The following MMP16 variants were observed in gnomAD, a reference collection of about 807,000 sequenced individuals.
MMP16 encodes matrix metalloproteinase-16.
In MMP16, 12 loss-of-function variants were observed where a neutral mutation model predicts 67.8. The observed-to-expected ratio is 0.18, with a 90% CI of 0.11 to 0.29. The LOEUF (loss-of-function observed/expected upper bound fraction) is 0.29, where lower values mean the gene tolerates loss of function less well. Among genes scored for constraint, MMP16 ranks in the 10% least tolerant of loss-of-function variants. The pLI is 1.00. For synonymous variants in MMP16, 249 were observed against 255.9 expected (o/e 0.97, Z 0.26); for missense variants, 475 against 765.7 (o/e 0.62, Z 4.48).
At chr8:88,185,020 G>C (rs1418218879) in intron 3 of MMP16, among the ~76,000 whole-genome samples, 1 of 152,094 alleles carries the variant, frequency 6.6e-6, no homozygotes, top group Admixed American at 6.6e-5. Flanking sequence ...AAATGATGGT[G>C]AATACCAACT....
chr8:88,127,245 C>T (rs1807949989), intron 4 of MMP16, among the ~76,000 whole-genome samples: 2 of 151,904 alleles, frequency 1.3e-5, no homozygotes, highest in South Asian at 4.1e-4. Context: ...TAGGAGATAA[C>T]ACAGTACTAT....
chr8:88,194,674 A>G (rs1009785991), intron 2 of MMP16, among the ~76,000 whole-genome samples: 1 of 152,090 alleles, frequency 6.6e-6, no homozygotes, highest in East Asian at 2.0e-4. Flanking sequence ...CACAGGGAGC[A>G]GAGGAGGCAT....
At chr8:88,170,099 G>C (rs1808775934) in intron 3 of MMP16, among the ~76,000 whole-genome samples, 1 of 152,112 alleles carries the variant, frequency 6.6e-6, no homozygotes. Context: ...TATATTTTGA[G>C]AATATGTCTC....
chr8:88,197,678 A>G lies in MMP16; in HGVS notation c.133-372T>C, dbSNP rs148359885. On this transcript the variant is annotated intron_variant, in intron 1 of 9. Coordinates refer to ENST00000286614, the MANE Select transcript of MMP16 (RefSeq NM_005941.5). Reference sequence around the variant, plus strand: ...GATGCTTTTTCAACAGTATGACTCTATTGAGATGTTTATGTTGCAAAGGGC... The same window carrying G: ...GATGCTTTTTCAACAGTATGACTCTGTTGAGATGTTTATGTTGCAAAGGGC... 2.8e-3 allele frequency among the ~76,000 whole-genome samples: 428 copies of G among 152,278 alleles called. 3 individuals carry two copies. Among genetic ancestry groups the G allele is most frequent in the African/African-American group, 9.8e-3 (409 of 41,560 alleles).
chr8:88,100,790 T>C (rs570939973), intron 6 of MMP16, among the ~76,000 whole-genome samples: 1 of 152,028 alleles, frequency 6.6e-6, no homozygotes, highest in African/African-American at 2.4e-5. Flanking sequence ...TGGAATACTA[T>C]GCAGCCATAA....
At position 88,046,657 on chromosome 8, in the gene MMP16, C is replaced by A; in HGVS notation, c.1489+12G>T. On this transcript the variant is annotated intron_variant, in intron 9 of 9. Transcript: ENST00000286614. ...GCAAACTTATGAAATGTAGAAAGCA[C>A]ATGTTGCATACCATTTTCTTTGTGT... 1 of 1,508,498 alleles carries A rather than the reference C, an allele frequency of 6.6e-7. No homozygotes were observed. Among genetic ancestry groups the A allele is most frequent in the South Asian group, 1.2e-5 (1 of 83,242 alleles). The allele number at this position is 1,508,498 out of a possible 1,614,324, so 93.4% of individuals were successfully genotyped here. A position where few individuals can be genotyped will look rare whatever the true frequency, so the allele number is the denominator to read the frequency against.
chr8:88,276,239 T>C (rs2129983524), intron 1 of MMP16, among the ~76,000 whole-genome samples: 1 of 152,226 alleles, frequency 6.6e-6, no homozygotes, highest in Admixed American at 6.5e-5. Context: ...AAAGTATACC[T>C]TACATTGCAA....
rs146453169 is a variant in MMP16 at position 88,242,356 on chromosome 8, A to G, written c.133-45050T>C. On this transcript the variant is annotated intron_variant, in intron 1 of 9. Coordinates refer to ENST00000286614, the MANE Select transcript of MMP16 (RefSeq NM_005941.5). ...AGTAGAAATTCTAGGAAAAATTTCT[A>G]TATCAGTTGTCATAGACTTAGGGCT... 2.6e-3 allele frequency among the ~76,000 whole-genome samples: 402 copies of G among 152,348 alleles called. 2 individuals carry two copies. Among genetic ancestry groups the G allele is most frequent in the South Asian group, 4.8e-3 (23 of 4,832 alleles).
intron 1 of MMP16, among the ~76,000 whole-genome samples, chr8:88,203,761 C>CT (rs1809381203): frequency 7.9e-5 from 12 of 152,174 alleles, no homozygotes; most frequent in Admixed American, 5.2e-4. Flanking sequence ...CTGGTTGTTT[C>CT]ATAGCAAGGT....
At chr8:88,163,716 T>C (rs1248105835) in intron 4 of MMP16, among the ~76,000 whole-genome samples, 1 of 152,090 alleles carries the variant, frequency 6.6e-6, no homozygotes, top group Non-Finnish European at 1.5e-5. Context: ...GGAAATAATG[T>C]CCTATTGTTG....
intron 5 of MMP16, among the ~76,000 whole-genome samples, chr8:88,117,567 T>C (rs1809457161): frequency 6.6e-6 from 1 of 152,220 alleles, no homozygotes; most frequent in South Asian, 2.1e-4. Context: ...TTAAGAAGAA[T>C]TTCTGATGAC....
intron 1 of MMP16, among the ~76,000 whole-genome samples, chr8:88,285,495 A>C (rs991221465): frequency 5.3e-5 from 8 of 151,928 alleles, no homozygotes; most frequent in African/African-American, 1.9e-4. Context: ...AACAAAACTC[A>C]AAGAAGCTCC....
intron 4 of MMP16, among the ~76,000 whole-genome samples, chr8:88,151,807 G>A (rs1311533288): frequency 6.9e-6 from 1 of 144,502 alleles, no homozygotes; most frequent in Non-Finnish European, 1.5e-5. Flanking sequence ...AAAAGAACTA[G>A]AAAAGCAAGA....
intron 4 of MMP16, among the ~76,000 whole-genome samples, chr8:88,165,695 T>C (rs1051457121): frequency 6.6e-6 from 1 of 152,144 alleles, no homozygotes; most frequent in Non-Finnish European, 1.5e-5. Flanking sequence ...GTTCCAGATG[T>C]TTTATTATTA....
intron 1 of MMP16, among the ~76,000 whole-genome samples, chr8:88,289,161 G>A (rs945091040): frequency 6.6e-6 from 1 of 152,270 alleles, no homozygotes; most frequent in East Asian, 1.9e-4. Flanking sequence ...CAGAAGAAGA[G>A]AGAGAGAAAG....
At chr8:88,135,360 AG>A (rs1167777896) in intron 4 of MMP16, among the ~76,000 whole-genome samples, 2 of 151,966 alleles carry the variant, frequency 1.3e-5, no homozygotes, top group Non-Finnish European at 2.9e-5. Context: ...CAATAAAATA[AG>A]GTCCCAGTTT....
chr8:88,049,015 T>C (rs1043951187), intron 8 of MMP16, among the ~76,000 whole-genome samples: 1 of 152,018 alleles, frequency 6.6e-6, no homozygotes, highest in Non-Finnish European at 1.5e-5. Flanking sequence ...AACGTGCACA[T>C]AGAAATGGGA....
chr8:88,081,174 G>T (rs1052764268), intron 6 of MMP16, among the ~76,000 whole-genome samples: 2 of 152,016 alleles, frequency 1.3e-5, no homozygotes, highest in African/African-American at 4.8e-5. Context: ...GACGTCAAAA[G>T]GTTTACCAAT....
chr8:88,236,035 T>C (rs1473886682), intron 1 of MMP16, among the ~76,000 whole-genome samples: 2 of 152,238 alleles, frequency 1.3e-5, no homozygotes, highest in Non-Finnish European at 2.9e-5. Flanking sequence ...GCAGGAATGC[T>C]ATAGCAATAA....
Sources: allele counts gnomAD v4.1 joint callset (sites outside exome capture counted in the v4.1 genomes callset), GRCh38; gene constraint gnomAD v4.1.1; transcripts MANE v1.5; gene names NCBI Gene and HGNC (gene_info 2026-07-23, HGNC 2026-07-21).